The following MYH3 variants were observed in gnomAD, a reference collection of about 807,000 sequenced individuals.
The protein encoded by MYH3 is myosin heavy chain 3.
MYH3 carries 130 observed loss-of-function variants against 238.0 expected under a neutral mutation model. The ratio of observed to expected loss-of-function variants is 0.55; its 90% CI spans 0.47 to 0.63. The LOEUF (loss-of-function observed/expected upper bound fraction) is 0.63. Ranked by LOEUF, MYH3 falls within the 30% of genes least tolerant of loss-of-function variation. The pLI, the probability that MYH3 is intolerant of heterozygous loss-of-function variation, is 0.00. For synonymous variants in MYH3, 880 were observed against 924.1 expected (o/e 0.95, Z 0.86); for missense variants, 1,853 against 2,374.9 (o/e 0.78, Z 4.57).
rs368557407 is a variant in MYH3, at chr17:10,638,382, G to A, written c.3390C>T (p.Arg1130=). 2.7e-5 allele frequency: 44 copies of A among 1,603,326 alleles called. No individual in the cohort carries two copies. In the African/African-American group the frequency reaches 5.1e-4, roughly 19 times the overall value. The part of the protein sequence containing the change: ...EEEIEAERAT[R]AKTEKQRSDY... Reference sequence around the variant, plus strand: ...CGCTGCGCTGTTTCTCTGTCTTCGCGCGGGTGGCCCTCTCCGCCTCTATCT... The same window carrying A: ...CGCTGCGCTGTTTCTCTGTCTTCGCACGGGTGGCCCTCTCCGCCTCTATCT... Residue 1130 remains arginine (R), a synonymous_variant, in exon 27 of 41, where the codon CGC becomes CGT. Coordinates refer to ENST00000583535, the MANE Select transcript of MYH3 (RefSeq NM_002470.4).
At position 10,646,120 on chromosome 17, in the gene MYH3, A is replaced by G. The variant is rs184975640; in HGVS notation, c.899-88T>C. 3 of 1,045,552 alleles carry G rather than the reference A, an allele frequency of 2.9e-6. No homozygotes were observed. In the African/African-American group the frequency reaches 4.7e-5, roughly 16 times the overall value. 64.8% of individuals were successfully genotyped at this position (1,045,552 alleles called of 1,614,324 possible). A position where few individuals can be genotyped will look rare whatever the true frequency, so the allele number is the denominator to read the frequency against. ...TTGAGCTCCTGCACCCTGGGCTGGA[A>G]CTTTTACCGCTGGATCCTAAATTGA... On this transcript the variant is annotated intron_variant, in intron 10 of 40. Coordinates refer to ENST00000583535, the MANE Select transcript of MYH3 (RefSeq NM_002470.4).
At position 10,636,351 on chromosome 17, in the gene MYH3, C is replaced by CA. The variant is rs754714282; in HGVS notation, c.3857-499dup. ...ACTGGAAGGTGGGACTGATGTCTGTCAAAAAAAAAATCCATTGAGAAGAAC... is the reference window on the plus strand; with the variant it reads ...ACTGGAAGGTGGGACTGATGTCTGTCAAAAAAAAAAATCCATTGAGAAGAAC... On this transcript the variant is annotated intron_variant, in intron 28 of 40. Transcript: ENST00000583535. Among the ~76,000 whole-genome samples the CA allele has an allele frequency of 5.1e-3, 737 of 144,182 alleles. 5 individuals carry two copies. The highest frequency in any genetic ancestry group is 0.015 in the African/African-American group (605 of 39,442). 94.6% of individuals were successfully genotyped at this position (144,182 alleles called of 152,430 possible).
At position 10,639,288 on chromosome 17, in the gene MYH3, A is replaced by G; in HGVS notation, c.3102+10T>C. ...AGTTCTGGGACTCCCGATGAGCATT[A>G]TTTACTTACGTCTTCCACTTGCTGT... is the stretch of plus-strand genomic sequence containing the variant. On this transcript the variant is annotated intron_variant, in intron 24 of 40. Transcript: ENST00000583535. 6.2e-7 allele frequency: 1 copy of G among 1,614,062 alleles called. No individual in the cohort carries two copies. The highest frequency in any genetic ancestry group is 8.5e-7 in the Non-Finnish European group (1 of 1,180,002).
chr17:10,676,566 A>G, the MYH3 span: 1 of 152,124 alleles, frequency 6.6e-6, no homozygotes, highest in East Asian at 1.9e-4. Context: ...AAGTTTCCAA[A>G]TTTTCACAAT....
intron 19 of MYH3, 58 bp downstream of exon 19, chr17:10,641,027 C>A (rs2074265836): frequency 4.5e-6 from 6 of 1,324,440 alleles, no homozygotes; most frequent in Non-Finnish European, 6.6e-6. Flanking sequence ...TTCTCCCTCT[C>A]AAATTCCAGT....
chr17:10,631,312 G>GA (rs1320265668), intron 36 of MYH3, among the ~76,000 whole-genome samples: 3 of 152,252 alleles, frequency 2.0e-5, no homozygotes, highest in Non-Finnish European at 4.4e-5. Flanking sequence ...AAATGTGTGG[G>GA]ATATTAACAC....
Position 10,629,577 on chromosome 17 carries a change from C to T in MYH3, c.5796+20G>A, listed in dbSNP as rs1040636980. 2.5e-6 allele frequency: 4 copies of T among 1,612,404 alleles called. No homozygotes were observed. In the African/African-American group the frequency reaches 5.3e-5, roughly 22 times the overall value. On this transcript the variant is annotated intron_variant, in intron 40 of 40. Transcript: ENST00000583535. Reference sequence around the variant, plus strand: ...TTCTACAGTCCCTGGGGGGGGGCTCCTCCCAGCTCAGCGACTCACCCTGCT... The same window carrying T: ...TTCTACAGTCCCTGGGGGGGGGCTCTTCCCAGCTCAGCGACTCACCCTGCT...
chr17:10,655,168 C>G, intron 2 of MYH3, 96 bp from the exon 3 acceptor site: 1 of 975,714 alleles, frequency 1.0e-6, no homozygotes, highest in Non-Finnish European at 1.6e-6. Context: ...CCTCCTTCAG[C>G]CGCAGGAGCC....
At position 10,642,815 on chromosome 17, in the gene MYH3, G is replaced by C; in HGVS notation, c.1581+11C>G. 1 of 1,614,090 alleles carries C rather than the reference G, an allele frequency of 6.2e-7. No homozygotes were observed. Among genetic ancestry groups the C allele is most frequent in the Non-Finnish European group, 8.5e-7 (1 of 1,180,008 alleles). On this transcript the variant is annotated intron_variant, in intron 15 of 40. Transcript: ENST00000583535. The surrounding 1 kb of genome is among the most constrained non-coding windows in gnomAD (Gnocchi z 5.4). ...ATGAGAAGAGCTTACGGTGGGGATGGAACTGGATACCTTCTCGATGAGCTC... is the reference window on the plus strand; with the variant it reads ...ATGAGAAGAGCTTACGGTGGGGATGCAACTGGATACCTTCTCGATGAGCTC...
At position 10,640,430 on chromosome 17, in the gene MYH3, T is replaced by C. The variant is rs1472948301; in HGVS notation, c.2329A>G (p.Met777Val). ...KAGLLGTLEE[M>V]RDDRLAKLIT... The stretch of plus-strand genomic sequence containing the variant: ...AGTTTGGCCAGGCGGTCATCCCGCA[T>C]CTCTTCCAGGGTTCCCAGCAAGCCA... Residue 777 changes from methionine (M) to valine (V), a missense_variant, in exon 21 of 41, where the codon ATG becomes GTG. Around this residue, in one of 3 missense-constraint regions of MYH3, gnomAD observed 678 missense variants for 1,058.9 expected, o/e 0.64. Transcript: ENST00000583535. 1.9e-6 allele frequency: 3 copies of C among 1,614,190 alleles called. No homozygotes were observed. Among genetic ancestry groups the C allele is most frequent in the South Asian group, 2.2e-5 (2 of 91,074 alleles).
chr17:10,646,562 G>A (rs1465766414), intron 10 of MYH3, among the ~76,000 whole-genome samples: 4 of 152,256 alleles, frequency 2.6e-5, no homozygotes, highest in South Asian at 2.1e-4. Context: ...TTGCTTTGGC[G>A]TCGCATTTGG....
the MYH3 span, among the ~76,000 whole-genome samples, chr17:10,667,180 G>A: frequency 2.6e-5 from 4 of 152,274 alleles, no homozygotes; most frequent in Non-Finnish European, 2.9e-5. Flanking sequence ...AAAATGATAC[G>A]TGCAATTTCC....
chr17:10,664,702 A>G, the MYH3 span, among the ~76,000 whole-genome samples: 1 of 152,308 alleles, frequency 6.6e-6, no homozygotes, highest in Admixed American at 6.5e-5. Flanking sequence ...CCCCGTATCT[A>G]TGGTGGGGCA....
chr17:10,636,771 G>A (rs995224606), intron 28 of MYH3, among the ~76,000 whole-genome samples: 9 of 152,068 alleles, frequency 5.9e-5, no homozygotes, highest in African/African-American at 9.6e-5. Context: ...AAAATTAGCC[G>A]TGTGTGTTGG....
At chr17:10,672,244 T>A in the MYH3 span, among the ~76,000 whole-genome samples, 2 of 152,240 alleles carry the variant, frequency 1.3e-5, no homozygotes. Flanking sequence ...TCATACTATC[T>A]TTGTTACATA....
chr17:10,638,889 T>G lies in MYH3; in HGVS notation c.3323A>C (p.Lys1108Thr). The change falls in exon 26 of 41, where the codon AAA becomes ACA. Residue 1108 changes from lysine to threonine, a missense_variant. Transcript: ENST00000583535. ...EQTLGLQFQKKIKELQARIEE... is the reference protein window; with the variant it reads ...EQTLGLQFQKTIKELQARIEE... ...GGCTCCTACCTGCAACTCTTTGATT[T>G]TCTTCTGAAACTGGAGGCCCAGTGT... The G allele has an allele frequency of 3.1e-6, 5 of 1,614,118 alleles. No homozygotes were observed. The highest frequency in any genetic ancestry group is 4.2e-6 in the Non-Finnish European group (5 of 1,179,962).
At chr17:10,671,057 A>AT in the MYH3 span, among the ~76,000 whole-genome samples, 2 of 151,584 alleles carry the variant, frequency 1.3e-5, no homozygotes, top group East Asian at 3.9e-4. Flanking sequence ...CGCCCAGCTA[A>AT]TTTTTTTTGT....
chr17:10,640,605 G>A lies in MYH3; in HGVS notation c.2247C>T (p.Ser749=), dbSNP rs1410478875. 6.2e-7 allele frequency: 1 copy of A among 1,614,224 alleles called. No individual in the cohort carries two copies. The highest frequency in any genetic ancestry group is 1.7e-5 in the Admixed American group (1 of 60,026). ...SKKACEKLLA[S]IDIDHTQYKF... ...TGTACTGAGTGTGGTCAATATCAATGGATGCCAGAAGCTTTTCACAGGCTT... is the reference window on the plus strand; with the variant it reads ...TGTACTGAGTGTGGTCAATATCAATAGATGCCAGAAGCTTTTCACAGGCTT... The change falls in exon 20 of 41, where the codon TCC becomes TCT. Residue 749 remains serine (S), a synonymous_variant. Coordinates refer to ENST00000583535, the MANE Select transcript of MYH3 (RefSeq NM_002470.4).
chr17:10,655,435 A>C (rs1222225365), intron 2 of MYH3, among the ~76,000 whole-genome samples: 1 of 152,194 alleles, frequency 6.6e-6, no homozygotes, highest in Admixed American at 6.5e-5. Context: ...GGAACGTTTA[A>C]AAATAAACAC....
Sources: allele counts gnomAD v4.1 joint callset (sites outside exome capture counted in the v4.1 genomes callset), GRCh38; gene constraint gnomAD v4.1.1; regional missense constraint gnomAD v4.1.1; non-coding constraint Gnocchi (gnomAD v3.1); transcripts MANE v1.5; gene names NCBI Gene and HGNC (gene_info 2026-07-23, HGNC 2026-07-21).